Variants in LRIG2 observed in about 807,000 individuals in gnomAD.
The protein encoded by LRIG2 is leucine-rich repeats and immunoglobulin-like domains protein 2.
A neutral mutation model predicts 107.8 loss-of-function variants in LRIG2; 93 were observed. The observed-to-expected ratio is 0.86, with a 90% confidence interval of 0.73 to 1.03. The LOEUF is 1.03. Ranked by LOEUF, LRIG2 falls within the 50% of genes least tolerant of loss-of-function variation. The probability of loss-of-function intolerance (pLI) is 0.00; values close to 1 mark genes in which losing one functional copy is unlikely to be tolerated. For synonymous variants in LRIG2, 471 were observed against 470.6 expected (o/e 1.00, Z -0.01); for missense variants, 1,226 against 1,296.0 (o/e 0.95, Z 0.83).
chr1:113,127,361 A>C lies in LRIG2; in HGVS notation c.*3260A>C, dbSNP rs1389680346. 1 of 148,554 alleles carries C rather than the reference A, an allele frequency of 6.7e-6. No homozygotes were observed. The highest frequency in any genetic ancestry group is 1.5e-5 in the Non-Finnish European group (1 of 67,638). The allele number at this position is 148,554 out of a possible 1,614,324, so 9.2% of individuals were successfully genotyped here. A position where few individuals can be genotyped will look rare whatever the true frequency, so the allele number is the denominator to read the frequency against. On this transcript the variant is annotated 3_prime_UTR_variant, in exon 18 of 18. Coordinates refer to ENST00000361127, the MANE Select transcript of LRIG2 (RefSeq NM_014813.3). ...CAGCCTCCCAAGTAGCTGGGATTACAGGCACACCACCATTTCCAGCTTTTT... is the reference window on the plus strand; with the variant it reads ...CAGCCTCCCAAGTAGCTGGGATTACCGGCACACCACCATTTCCAGCTTTTT...
chr1:113,093,148 A>C (rs1653899168), intron 2 of LRIG2, 58 bp from the exon 3 acceptor site: 2 of 1,067,102 alleles, frequency 1.9e-6, no homozygotes, highest in Admixed American at 2.2e-5. Flanking sequence ...AGAAGGTAGA[A>C]TCCAAGAGGT....
Position 113,124,283 on chromosome 1 carries a change from G to A in LRIG2, c.*182G>A, listed in dbSNP as rs1364015566. On this transcript the variant is annotated 3_prime_UTR_variant, in exon 18 of 18. Coordinates refer to ENST00000361127, the MANE Select transcript of LRIG2 (RefSeq NM_014813.3). ...TATACCTGATGAAGAAATGGCAACA[G>A]CTGACAGAAATGGGTACAGCTCATC... The A allele has an allele frequency of 1.6e-6, 1 of 610,404 alleles. No individual in the cohort carries two copies. Among genetic ancestry groups the A allele is most frequent in the Non-Finnish European group, 2.9e-6 (1 of 346,202 alleles). The allele number at this position is 610,404 out of a possible 1,614,324, so 37.8% of individuals were successfully genotyped here. A position where few individuals can be genotyped will look rare whatever the true frequency, so the allele number is the denominator to read the frequency against.
intron 1 of LRIG2, among the ~76,000 whole-genome samples, chr1:113,082,030 T>C (rs1396072676): frequency 6.6e-6 from 1 of 152,224 alleles, no homozygotes; most frequent in Non-Finnish European, 1.5e-5. Context: ...AAATTGGGCA[T>C]GAGGCGTGGG....
At chr1:113,084,920 T>A (rs753902923) in intron 1 of LRIG2, among the ~76,000 whole-genome samples, 2 of 152,180 alleles carry the variant, frequency 1.3e-5, no homozygotes, top group Non-Finnish European at 2.9e-5. Flanking sequence ...ATTATTTCAG[T>A]CATGAAAAAT....
intron 13 of LRIG2, among the ~76,000 whole-genome samples, chr1:113,111,184 C>T (rs915054807): frequency 6.6e-6 from 1 of 152,090 alleles, no homozygotes; most frequent in African/African-American, 2.4e-5. Context: ...TACAGATGTG[C>T]GCCACCAGGC....
intron 11 of LRIG2, 24 bp from the exon 12 acceptor site, chr1:113,107,570 C>G (rs778992833): frequency 6.3e-7 from 1 of 1,596,284 alleles, no homozygotes; most frequent in Non-Finnish European, 8.5e-7. Context: ...ACAAAGGATG[C>G]TTTTCCTCTT....
At chr1:113,099,244 C>CTTTTTTTTTTTTTT (rs984786053) in intron 9 of LRIG2, among the ~76,000 whole-genome samples, 2 of 117,936 alleles carry the variant, frequency 1.7e-5, no homozygotes, top group Non-Finnish European at 1.7e-5. Context: ...TGGTTTTTTT[C>CTTTTTTTTTTTTTT]TTTTTTTTTT....
Position 113,112,698 on chromosome 1 carries a change from A to G in LRIG2, c.2018A>G (p.Tyr673Cys), listed in dbSNP as rs370072117. The change falls in exon 14 of 18, where the codon TAT (tyrosine) becomes TGT (cysteine). Residue 673 changes from tyrosine to cysteine, a missense_variant. Coordinates refer to ENST00000361127, the MANE Select transcript of LRIG2 (RefSeq NM_014813.3). The stretch of plus-strand genomic sequence containing the variant: ...GTGAAAATAGAAGATATGGGAATCT[A>G]TAGCTGCATGGCACAAAATACAGCA... ...ANVKIEDMGI[Y>C]SCMAQNTAGG... The G allele has an allele frequency of 8.7e-6, 14 of 1,613,222 alleles. No homozygotes were observed. The highest frequency in any genetic ancestry group is 4.0e-5 in the African/African-American group (3 of 74,932).
In LRIG2 at chr1:113,073,319, G is replaced by A. The variant is rs982436203; in HGVS notation, c.-88G>A. 208 of 1,080,448 alleles carry A rather than the reference G, an allele frequency of 1.9e-4. No homozygotes were observed. Among genetic ancestry groups the A allele is most frequent in the Non-Finnish European group, 2.6e-4 (188 of 716,080 alleles). The allele number at this position is 1,080,448 out of a possible 1,614,324, so 66.9% of individuals were successfully genotyped here. ...AGCCGGGGCTTCGGGAGACAGTGCA[G>A]CCACCGAGCATCTCTGCTGAGCTTC... On this transcript the variant is annotated 5_prime_UTR_variant, in exon 1 of 18. Transcript: ENST00000361127.
chr1:113,121,755 AGAC>A (rs1655266835), intron 17 of LRIG2, among the ~76,000 whole-genome samples: 4 of 151,770 alleles, frequency 2.6e-5, no homozygotes, highest in African/African-American at 9.7e-5. Flanking sequence ...AAAAAAAAAA[AGAC>A]AGGGTAGGAG....
chr1:113,104,455 A>G (rs1326366906), intron 11 of LRIG2, among the ~76,000 whole-genome samples: 1 of 152,160 alleles, frequency 6.6e-6, no homozygotes, highest in African/African-American at 2.4e-5. Flanking sequence ...GGCTTTGGAG[A>G]TATCCAGACA....
At chr1:113,122,075 C>CTTTTTTTTTTTTTTTTTTTTTTTTTT (rs758568453) in intron 17 of LRIG2, among the ~76,000 whole-genome samples, 1 of 87,056 alleles carries the variant, frequency 1.1e-5, no homozygotes, top group Non-Finnish European at 2.0e-5. Flanking sequence ...TTAGGCTCAC[C>CTTTTTTTTTTTTTTTTTTTTTTTTTT]TTTTTTTTTT....
rs1166991348 is a variant in LRIG2, at chr1:113,112,649, G to T, written c.1969G>T (p.Asp657Tyr). The T allele has an allele frequency of 6.2e-7, 1 of 1,614,148 alleles. No homozygotes were observed. Among genetic ancestry groups the T allele is most frequent in the Non-Finnish European group, 8.5e-7 (1 of 1,180,020 alleles). The change falls in exon 14 of 18, where the codon GAT (aspartate) becomes TAT (tyrosine). Residue 657 changes from aspartate to tyrosine, a missense_variant. Coordinates refer to ENST00000361127, the MANE Select transcript of LRIG2 (RefSeq NM_014813.3). ...RERRMHVMPE[D>Y]DVFFIANVKI... The stretch of plus-strand genomic sequence containing the variant: ...AAGACGCATGCACGTCATGCCCGAG[G>T]ATGACGTCTTCTTTATTGCCAATGT...
chr1:113,119,387 A>G lies in LRIG2; in HGVS notation c.2835A>G (p.Thr945=), dbSNP rs1381890822. The part of the protein sequence containing the change: ...SSLMVQMPKE[T]YLVHPPQDTT... ...TCATGGTCCAAATGCCTAAAGAGACATATTTAGTACATCCTCCCCAGGATA... is the reference window on the plus strand; with the variant it reads ...TCATGGTCCAAATGCCTAAAGAGACGTATTTAGTACATCCTCCCCAGGATA... The change falls in exon 17 of 18, where the codon ACA becomes ACG. Residue 945 remains threonine (T), a synonymous_variant. Transcript: ENST00000361127. 1 of 1,614,046 alleles carries G rather than the reference A, an allele frequency of 6.2e-7. No individual in the cohort carries two copies. Among genetic ancestry groups the G allele is most frequent in the Admixed American group, 1.7e-5 (1 of 60,000 alleles).
rs765262243 is a variant in LRIG2 at position 113,098,772 on chromosome 1, A to G, written c.1159A>G (p.Ser387Gly). The G allele has an allele frequency of 6.2e-7, 1 of 1,604,546 alleles. No individual in the cohort carries two copies. The highest frequency in any genetic ancestry group is 8.5e-7 in the Non-Finnish European group (1 of 1,171,418). The change falls in exon 9 of 18, where the codon AGT becomes GGT. Residue 387 changes from serine (S) to glycine (G), a missense_variant. Ser to Gly is a moderately conservative substitution (Grantham distance 56). Transcript: ENST00000361127. ...DASEAFAGLT[S>G]LTKLILQGNQ... is the part of the protein sequence containing the mutation. ...TAGTGAAGCCTTTGCTGGACTCACA[A>G]GTCTCACTAAACTGTATGTATTATA...
At chr1:113,116,554 C>A in intron 16 of LRIG2, 118 bp downstream of exon 16, 2 of 880,108 alleles carry the variant, frequency 2.3e-6, no homozygotes, top group Non-Finnish European at 3.4e-6. Flanking sequence ...CTAATGAAAG[C>A]ATTTAGCCAC....
chr1:113,107,864 C>T, intron 12 of LRIG2, 107 bp downstream of exon 12: 1 of 961,612 alleles, frequency 1.0e-6, no homozygotes, highest in Non-Finnish European at 1.5e-6. Flanking sequence ...TGTAATCATA[C>T]AGTTTTAATT....
At chr1:113,083,200 A>G (rs1247346276) in intron 1 of LRIG2, among the ~76,000 whole-genome samples, 3 of 143,536 alleles carry the variant, frequency 2.1e-5, no homozygotes, top group Admixed American at 7.3e-5. Flanking sequence ...ATGAGGCACC[A>G]TGCTTGGCTA....
intron 11 of LRIG2, 63 bp downstream of exon 11, chr1:113,100,551 G>A (rs774543541): frequency 6.1e-6 from 6 of 989,314 alleles, no homozygotes; most frequent in Non-Finnish European, 6.3e-6. Flanking sequence ...TGTGCTTAAA[G>A]TGTGATGGGA....
Sources: allele counts gnomAD v4.1 joint callset (sites outside exome capture counted in the v4.1 genomes callset), GRCh38; gene constraint gnomAD v4.1.1; transcripts MANE v1.5; gene names NCBI Gene and HGNC (gene_info 2026-07-23, HGNC 2026-07-21).